The following TLN2 variants were observed in gnomAD, a reference collection of about 807,000 sequenced individuals.
The protein encoded by TLN2 is talin-2.
TLN2 carries 118 observed loss-of-function variants against 294.7 expected under a neutral mutation model. The observed-to-expected ratio is 0.40, with a 90% CI of 0.34 to 0.47. The LOEUF (loss-of-function observed/expected upper bound fraction) is 0.47. TLN2 is among the 20% of genes least tolerant of loss of function. The probability of loss-of-function intolerance (pLI) is 0.84; values close to 1 mark genes in which losing one functional copy is unlikely to be tolerated. For missense variants in TLN2, 3,083 were observed against 3,282.2 expected (o/e 0.94, Z 1.48); for synonymous variants, 1,431 against 1,304.5 (o/e 1.10, Z -2.09).
intron 30 of TLN2, among the ~76,000 whole-genome samples, chr15:62,739,125 T>TCTAGCACTGAGCAG: frequency 6.6e-6 from 1 of 152,210 alleles, no homozygotes; most frequent in South Asian, 2.1e-4. Context: ...AGATCCACAG[T>TCTAGCACTGAGCAG]GTCTAGCACT....
At chr15:62,722,557 G>A (rs767970772) in intron 26 of TLN2, 70 bp downstream of exon 26, 74 of 1,518,396 alleles carry the variant, frequency 4.9e-5, no homozygotes, top group South Asian at 7.7e-5. Flanking sequence ...ACCACCCAGG[G>A]CCTGAACACT....
intron 1 of TLN2, among the ~76,000 whole-genome samples, chr15:62,570,057 A>G (rs1019495948): frequency 2.6e-5 from 4 of 151,884 alleles, no homozygotes; most frequent in Non-Finnish European, 5.9e-5. Context: ...GCTTTCCCTT[A>G]TGCCAGCGCT....
intron 54 of TLN2, among the ~76,000 whole-genome samples, chr15:62,822,234 T>C (rs1184282340): frequency 6.6e-6 from 1 of 152,214 alleles, no homozygotes; most frequent in East Asian, 1.9e-4. Context: ...ATTATTGTTA[T>C]AATAATTAAA....
intron 1 of TLN2, among the ~76,000 whole-genome samples, chr15:62,470,801 A>G (rs1272425385): frequency 6.6e-6 from 1 of 152,238 alleles, no homozygotes; most frequent in African/African-American, 2.4e-5. Context: ...TGCAGACAAT[A>G]GTAGTTGTAC....
intron 1 of TLN2, among the ~76,000 whole-genome samples, chr15:62,518,805 C>T (rs2040313591): frequency 6.6e-6 from 1 of 151,978 alleles, no homozygotes; most frequent in Non-Finnish European, 1.5e-5. Context: ...ACCGTGTTGG[C>T]CTGGCTGGTC....
chr15:62,652,038 C>T lies in TLN2; in HGVS notation c.268C>T (p.Gln90Ter). ...ILEYKKKQRP[Q>*]KIRMLDGSVK... is the part of the protein sequence containing the mutation. ...GGAATATAAAAAGAAACAGAGACCT[C>T]AGAAAATCCGGATGCTGGATGGATC... Residue 90 changes from glutamine to a stop codon, truncating the protein, a stop_gained, in exon 6 of 59, where the codon CAG becomes TAG. Coordinates refer to ENST00000636159, the MANE Select transcript of TLN2 (RefSeq NM_015059.3). LOFTEE classifies it high-confidence loss of function. 6.2e-7 allele frequency: 1 copy of T among 1,611,398 alleles called. No homozygotes were observed. Among genetic ancestry groups the T allele is most frequent in the Non-Finnish European group, 8.5e-7 (1 of 1,178,414 alleles).
intron 1 of TLN2, among the ~76,000 whole-genome samples, chr15:62,527,330 C>G (rs368437450): frequency 4.6e-5 from 7 of 152,100 alleles, no homozygotes; most frequent in South Asian, 2.1e-4. Context: ...GGACCTTTAT[C>G]CTTGTATTGC....
In TLN2 at chr15:62,414,555, G is replaced by A. The variant is rs775299017; in HGVS notation, c.-238+23870G>A. 1.7e-4 allele frequency among the ~76,000 whole-genome samples: 24 copies of A among 140,528 alleles called. 3 individuals carry two copies. Among genetic ancestry groups the A allele is most frequent in the Non-Finnish European group, 3.3e-4 (22 of 65,832 alleles). 92.2% of individuals were successfully genotyped at this position (140,528 alleles called of 152,430 possible). A position where few individuals can be genotyped will look rare whatever the true frequency, so the allele number is the denominator to read the frequency against. On this transcript the variant is annotated intron_variant, in intron 1 of 58. Coordinates refer to ENST00000636159, the MANE Select transcript of TLN2 (RefSeq NM_015059.3). ...CGCTCTGGGCTGGGGCTCAGGAACC[G>A]TTGTTTTAACAAGTTCTCAGGGGTG...
At position 62,738,341 on chromosome 15, in the gene TLN2, G is replaced by A. The variant is rs2061139932; in HGVS notation, c.3687+8G>A. On this transcript the variant is annotated splice_region_variant and intron_variant, in intron 30 of 58. Transcript: ENST00000636159. ...AAGCTGCTTGTGGATTCGGTGAGAGGTTCTTAGATTGAGAAAGGACACTGG... is the reference window on the plus strand; with the variant it reads ...AAGCTGCTTGTGGATTCGGTGAGAGATTCTTAGATTGAGAAAGGACACTGG... 1.2e-6 allele frequency: 2 copies of A among 1,613,558 alleles called. No homozygotes were observed. The highest frequency in any genetic ancestry group is 2.7e-5 in the African/African-American group (2 of 74,914).
chr15:62,423,629 G>A (rs944974898), intron 1 of TLN2, among the ~76,000 whole-genome samples: 2 of 151,680 alleles, frequency 1.3e-5, no homozygotes, highest in Non-Finnish European at 2.9e-5. Flanking sequence ...TGTCCAAGCT[G>A]GAGTGCAGTG....
chr15:62,637,570 G>A (rs910373745), intron 3 of TLN2: 1 of 152,208 alleles, frequency 6.6e-6, no homozygotes, highest in Non-Finnish European at 1.5e-5. Flanking sequence ...TCTGTGGAAG[G>A]GGGGTGCCAA....
chr15:62,552,597 G>T (rs1016257340), intron 1 of TLN2, among the ~76,000 whole-genome samples: 1 of 152,160 alleles, frequency 6.6e-6, no homozygotes, highest in African/African-American at 2.4e-5. Flanking sequence ...TGAGCCCCTG[G>T]TGTAGTGCTG....
intron 1 of TLN2, among the ~76,000 whole-genome samples, chr15:62,470,393 A>C (rs534402956): frequency 6.6e-6 from 1 of 152,224 alleles, no homozygotes; most frequent in Non-Finnish European, 1.5e-5. Flanking sequence ...ACTACATCCA[A>C]TGGCGAGTTC....
chr15:62,486,808 AG>A (rs1023339187), intron 1 of TLN2, among the ~76,000 whole-genome samples: 2 of 147,770 alleles, frequency 1.4e-5, no homozygotes, highest in African/African-American at 2.6e-5. Flanking sequence ...CTGGTTTGCA[AG>A]GTTTTTTTTT....
At chr15:62,628,785 T>C (rs2049514477) in intron 3 of TLN2, among the ~76,000 whole-genome samples, 1 of 152,230 alleles carries the variant, frequency 6.6e-6, no homozygotes, top group Admixed American at 6.5e-5. Flanking sequence ...TCTTCCACTC[T>C]AGGAATTCCC....
At chr15:62,480,330 C>G (rs1282698451) in intron 1 of TLN2, among the ~76,000 whole-genome samples, 1 of 152,186 alleles carries the variant, frequency 6.6e-6, no homozygotes, top group African/African-American at 2.4e-5. Context: ...TCTCCAGCCT[C>G]AACTTCCCGA....
Position 62,566,246 on chromosome 15 carries a change from G to A in TLN2, c.-237-23441G>A, listed in dbSNP as rs946976660. On this transcript the variant is annotated intron_variant, in intron 1 of 58. Transcript: ENST00000636159. ...CTGGGGAGAAAGTTAGAAGGCTACA[G>A]ATGAGCGGGACATCAGTACTTCTCT... Among the ~76,000 whole-genome samples, 16 of 152,134 alleles carry A rather than the reference G, an allele frequency of 1.1e-4. No homozygotes were observed. The South Asian group carries it at 3.3e-3, about 31-fold the overall frequency.
At chr15:62,485,917 TAACAGACGTTACTGTGG>T (rs1230043203) in intron 1 of TLN2, among the ~76,000 whole-genome samples, 2 of 152,188 alleles carry the variant, frequency 1.3e-5, no homozygotes, top group African/African-American at 4.8e-5. Context: ...TTGCTTTATT[TAACAGACGTTACTGTGG>T]AAACACTTGG....
At chr15:62,757,121 G>T (rs904620328) in intron 37 of TLN2, among the ~76,000 whole-genome samples, 2 of 152,206 alleles carry the variant, frequency 1.3e-5, no homozygotes, top group African/African-American at 4.8e-5. Context: ...CAACCACCCT[G>T]TGCTTATCCC....
Sources: allele counts gnomAD v4.1 joint callset (sites outside exome capture counted in the v4.1 genomes callset), GRCh38; gene constraint gnomAD v4.1.1; transcripts MANE v1.5; gene names NCBI Gene and HGNC (gene_info 2026-07-23, HGNC 2026-07-21).